The following NAA15 variants were observed in gnomAD, a reference collection of about 807,000 sequenced individuals.
NAA15 encodes the protein N-alpha-acetyltransferase 15, NatA auxiliary subunit, also known as N-terminal acetyltransferase.
NAA15 carries 34 observed loss-of-function variants against 114.0 expected under a neutral mutation model. The ratio of observed to expected loss-of-function variants is 0.30; its 90% CI spans 0.23 to 0.40. The LOEUF (loss-of-function observed/expected upper bound fraction) is 0.40. NAA15 is among the 10% of genes least tolerant of loss of function. The pLI, the probability that NAA15 is intolerant of heterozygous loss-of-function variation, is 1.00. For missense variants in NAA15, 658 were observed against 1,004.5 expected, an observed-to-expected ratio of 0.66 and a Z score of 4.66; for synonymous variants, 340 against 338.0, an observed-to-expected ratio of 1.01 and a Z score of -0.06.
intron 1 of NAA15, among the ~76,000 whole-genome samples, chr4:139,330,297 C>T (rs1481892172): frequency 6.6e-6 from 1 of 152,144 alleles, no homozygotes; most frequent in Non-Finnish European, 1.5e-5. Flanking sequence ...GAAAAACAAG[C>T]TACTTTTAGG....
At chr4:139,381,048 A>G (rs1241058494) in intron 17 of NAA15, among the ~76,000 whole-genome samples, 4 of 152,242 alleles carry the variant, frequency 2.6e-5, no homozygotes, top group Non-Finnish European at 1.5e-5. Flanking sequence ...GTGCCTCCAT[A>G]CCTATTTCAT....
At chr4:139,307,394 G>A (rs1425164120) in intron 1 of NAA15, among the ~76,000 whole-genome samples, 3 of 152,142 alleles carry the variant, frequency 2.0e-5, no homozygotes, top group Non-Finnish European at 4.4e-5. Context: ...TCAGTCTCCC[G>A]AGTAGCTGCG....
intron 14 of NAA15, 26 bp downstream of exon 14, chr4:139,361,963 G>T (rs575857578): frequency 2.0e-6 from 3 of 1,513,140 alleles, no homozygotes; most frequent in Admixed American, 3.4e-5. Flanking sequence ...TTCTTCTTGT[G>T]CTCTGATGTG....
chr4:139,320,560 G>C (rs908217770), intron 1 of NAA15, among the ~76,000 whole-genome samples: 2 of 151,950 alleles, frequency 1.3e-5, no homozygotes, highest in African/African-American at 4.8e-5. Flanking sequence ...TCACTCTGTC[G>C]TCCAGGCTGG....
chr4:139,358,855 G>T (rs989559834), intron 11 of NAA15, among the ~76,000 whole-genome samples: 1 of 152,052 alleles, frequency 6.6e-6, no homozygotes. Context: ...TGTGGCTCAT[G>T]CCTGTAATCC....
In NAA15 at chr4:139,377,551, G is replaced by A. The variant is rs1748624835; in HGVS notation, c.2056+1078G>A. ...CAAACTCCATCTCAAAAAAAAAAAG[G>A]TCATGTTTATCAAAAGTAAATGATG... On this transcript the variant is annotated intron_variant, in intron 16 of 19. Coordinates refer to ENST00000296543, the MANE Select transcript of NAA15 (RefSeq NM_057175.5). Among the ~76,000 whole-genome samples, 2 of 151,678 alleles carry A rather than the reference G, an allele frequency of 1.3e-5. 1 individual carries two copies. Among genetic ancestry groups the A allele is most frequent in the Admixed American group, 1.3e-4 (2 of 15,214 alleles).
chr4:139,380,602 T>G (rs890594306), intron 17 of NAA15, among the ~76,000 whole-genome samples: 2 of 152,192 alleles, frequency 1.3e-5, no homozygotes, highest in Non-Finnish European at 2.9e-5. Context: ...CTTAGAATGA[T>G]TAATAATTAG....
chr4:139,342,003 A>G (rs1210322282), intron 4 of NAA15, among the ~76,000 whole-genome samples: 1 of 152,118 alleles, frequency 6.6e-6, no homozygotes, highest in African/African-American at 2.4e-5. Flanking sequence ...GATTACGGGC[A>G]TGAGCTGCTG....
chr4:139,325,750 G>A (rs76567101), intron 1 of NAA15, among the ~76,000 whole-genome samples: 8,311 of 152,220 alleles, frequency 0.055, 251 homozygotes, highest in East Asian at 0.1. Flanking sequence ...CTGGGCTCAA[G>A]CCGTCCTCCC....
intron 6 of NAA15, among the ~76,000 whole-genome samples, chr4:139,347,022 C>G (rs986930371): frequency 5.9e-5 from 9 of 152,174 alleles, no homozygotes; most frequent in Middle Eastern, 6.8e-3. Context: ...ATCCTCCCCC[C>G]AAACCCCACC....
At chr4:139,335,800 C>G (rs1466177265) in intron 2 of NAA15, among the ~76,000 whole-genome samples, 1 of 147,336 alleles carries the variant, frequency 6.8e-6, no homozygotes. Flanking sequence ...CACTCTGTTG[C>G]CCAGGCTGGA....
In NAA15 at chr4:139,360,626, A is replaced by G. The variant is rs1196080899; in HGVS notation, c.1537A>G (p.Arg513Gly). 6.2e-7 allele frequency: 1 copy of G among 1,603,850 alleles called. No homozygotes were observed. Among genetic ancestry groups the G allele is most frequent in the Admixed American group, 1.7e-5 (1 of 58,054 alleles). Residue 513 changes from arginine to glycine, a missense_variant and splice_region_variant, in exon 13 of 20, where the codon AGA becomes GGA. This residue lies in a region of NAA15 where 281 missense variants were observed against 389.1 expected (regional missense o/e 0.72). Coordinates refer to ENST00000296543, the MANE Select transcript of NAA15 (RefSeq NM_057175.5). Reference protein sequence around the residue: ...EALKKCHEIERHFIEITDDQF... With the variant: ...EALKKCHEIEGHFIEITDDQF... ...ACTTAAGAAATGTCATGAGATTGAG[A>G]GAGTAAGTACCTTCTACATAAAAGT...
At chr4:139,352,980 T>C (rs1459983074) in intron 9 of NAA15, among the ~76,000 whole-genome samples, 5 of 152,214 alleles carry the variant, frequency 3.3e-5, no homozygotes, top group African/African-American at 1.2e-4. Context: ...GTAGGATCTT[T>C]TGTTTCCAGT....
chr4:139,306,395 A>ATTT (rs34609180), intron 1 of NAA15, among the ~76,000 whole-genome samples: 1 of 147,612 alleles, frequency 6.8e-6, no homozygotes, highest in Non-Finnish European at 1.5e-5. Flanking sequence ...CACTCGGCTA[A>ATTT]TTTTTTTTTT....
chr4:139,331,946 C>G (rs1430958288), intron 1 of NAA15, among the ~76,000 whole-genome samples: 1 of 151,988 alleles, frequency 6.6e-6, no homozygotes, highest in Non-Finnish European at 1.5e-5. Context: ...TTGCTCGTTT[C>G]CTGCAAATGT....
chr4:139,335,783 G>A (rs1383345454), intron 2 of NAA15, among the ~76,000 whole-genome samples: 1 of 140,196 alleles, frequency 7.1e-6, no homozygotes. Context: ...TTTTTGAGAC[G>A]GAGTCTCACT....
At chr4:139,317,406 G>C (rs1181982918) in intron 1 of NAA15, among the ~76,000 whole-genome samples, 1 of 152,066 alleles carries the variant, frequency 6.6e-6, no homozygotes, top group Non-Finnish European at 1.5e-5. Context: ...GGTAGATCAC[G>C]AGGTCAAGAG....
rs145961155 is a variant in NAA15, at chr4:139,323,876, A to C, written c.55-10298A>C. On this transcript the variant is annotated intron_variant, in intron 1 of 19. Coordinates refer to ENST00000296543, the MANE Select transcript of NAA15 (RefSeq NM_057175.5). ...CTCAGAGTGTATGGTGCCAGAATTT[A>C]GCACATGCGACTTTATTATCTATTA... Among the ~76,000 whole-genome samples, 184 of 152,286 alleles carry C rather than the reference A, an allele frequency of 1.2e-3. 1 individual carries two copies. Among genetic ancestry groups the C allele is most frequent in the African/African-American group, 4.3e-3 (177 of 41,564 alleles).
At chr4:139,386,374 G>A (rs1220262605) in intron 19 of NAA15, 144 bp downstream of exon 19, 13 of 473,040 alleles carry the variant, frequency 2.7e-5, no homozygotes, top group Non-Finnish European at 3.4e-5. Context: ...TATTTAGGCT[G>A]CTTGGCATTC....
Sources: gnomAD v4.1 joint callset for allele counts (sites outside exome capture counted in the v4.1 genomes callset) on GRCh38, gnomAD v4.1.1 for gene constraint, gnomAD v4.1.1 regional missense constraint, MANE v1.5 for transcripts, NCBI Gene and HGNC (gene_info 2026-07-23, HGNC 2026-07-21) for gene names.